SEMA6D: variants seen among roughly 807,000 people sequenced by gnomAD.
SEMA6D encodes semaphorin-6D.
SEMA6D carries 35 observed loss-of-function variants against 106.6 expected under a neutral mutation model. That is an observed-to-expected ratio of 0.33 (90% CI 0.25 to 0.44). The LOEUF is 0.44. SEMA6D is among the 20% of genes least tolerant of loss of function. SEMA6D has a pLI of 1.00. For missense variants in SEMA6D, 1,185 were observed against 1,345.9 expected, an observed-to-expected ratio of 0.88 and a Z score of 1.87; for synonymous variants, 499 against 487.7, an observed-to-expected ratio of 1.02 and a Z score of -0.31.
chr15:47,628,750 T>C (rs991574253), intron 4 of SEMA6D, among the ~76,000 whole-genome samples: 12 of 152,140 alleles, frequency 7.9e-5, no homozygotes, highest in Non-Finnish European at 1.5e-4. Flanking sequence ...CCTTTTAATT[T>C]TGAAGAGGTC....
At chr15:47,363,086 T>C (rs281268) in intron 1 of SEMA6D, among the ~76,000 whole-genome samples, 98,718 of 151,846 alleles carry the variant, frequency 0.65, 32,807 homozygotes, top group Non-Finnish European at 0.72. Context: ...TACTATATTC[T>C]AGAAACTGTT....
At position 47,371,568 on chromosome 15, in the gene SEMA6D, T is replaced by C. The variant is rs190299363; in HGVS notation, c.-238-40825T>C. Among the ~76,000 whole-genome samples the C allele has an allele frequency of 2.6e-5, 4 of 152,302 alleles. No homozygotes were observed. The East Asian group carries it at 7.7e-4, about 29-fold the overall frequency. On this transcript the variant is annotated intron_variant, in intron 1 of 19. Coordinates refer to the SEMA6D transcript ENST00000558014. ...AAGGGTAGAAGGAAGACACTGTTCA[T>C]GTGTAGGAGCCTCAGGTACCCTTCA...
In SEMA6D at chr15:47,764,896, G is replaced by A. The variant is rs1321383016; in HGVS notation, c.1267G>A (p.Ala423Thr). Residue 423 changes from alanine (A) to threonine (T), a missense_variant, in exon 13 of 19, where the codon GCC becomes ACC. Physicochemically the swap from Ala to Thr is moderately conservative, Grantham distance 58 (BLOSUM62 0). Around this residue, in one of 3 missense-constraint regions of SEMA6D, gnomAD observed 291 missense variants for 423.8 expected, o/e 0.69. Coordinates refer to ENST00000536845, the MANE Select transcript of SEMA6D (RefSeq NM_001358351.3). Reference sequence around the variant, plus strand: ...CTCCTCTTGTAGGTACAGACTGACGGCCATCTCAGTGGACCATTCAGCCGG... The same window carrying A: ...CTCCTCTTGTAGGTACAGACTGACGACCATCTCAGTGGACCATTCAGCCGG... ...TKTRVRYRLT[A>T]ISVDHSAGPY... 1 of 1,613,856 alleles carries A rather than the reference G, an allele frequency of 6.2e-7. No individual in the cohort carries two copies. The highest frequency in any genetic ancestry group is 1.7e-4 in the Middle Eastern group (1 of 6,054).
intron 2 of SEMA6D, among the ~76,000 whole-genome samples, chr15:47,416,203 A>C (rs1329008010): frequency 1.3e-5 from 2 of 152,006 alleles, no homozygotes; most frequent in African/African-American, 4.8e-5. Context: ...CAGTCCCAAG[A>C]CCTCCAATCA....
intron 1 of SEMA6D, among the ~76,000 whole-genome samples, chr15:47,755,074 C>T (rs560243243): frequency 6.6e-6 from 1 of 151,658 alleles, no homozygotes; most frequent in South Asian, 2.1e-4. Flanking sequence ...GCCTCAGCCT[C>T]CTGAGTAGCT....
chr15:47,224,731 G>A (rs1044088239), intron 1 of SEMA6D, among the ~76,000 whole-genome samples: 3 of 151,994 alleles, frequency 2.0e-5, no homozygotes, highest in Admixed American at 6.6e-5. Flanking sequence ...TTATTCAGTT[G>A]AACTGTAAGT....
At chr15:47,448,630 T>C (rs1436893731) in intron 2 of SEMA6D, among the ~76,000 whole-genome samples, 1 of 152,140 alleles carries the variant, frequency 6.6e-6, no homozygotes, top group South Asian at 2.1e-4. Context: ...ATGAGGTCCA[T>C]GGCGACTCAG....
chr15:47,765,514 A>C, intron 13 of SEMA6D: 1 of 920,974 alleles, frequency 1.1e-6, no homozygotes, highest in Non-Finnish European at 1.3e-6. Flanking sequence ...AGAAGAGAGA[A>C]ATGGAGCCAA....
chr15:47,766,853 C>CT (rs1224451739), intron 16 of SEMA6D, among the ~76,000 whole-genome samples, 176 bp downstream of exon 16: 1 of 151,308 alleles, frequency 6.6e-6, no homozygotes, highest in Non-Finnish European at 1.5e-5. Flanking sequence ...AAGAGGCTTA[C>CT]TTTTTTTTTC....
At chr15:47,580,039 A>G (rs1197863751) in intron 3 of SEMA6D, among the ~76,000 whole-genome samples, 1 of 152,190 alleles carries the variant, frequency 6.6e-6, no homozygotes, top group African/African-American at 2.4e-5. Flanking sequence ...TCTGAAATTT[A>G]AACAATTTTC....
intron 3 of SEMA6D, among the ~76,000 whole-genome samples, chr15:47,533,197 G>C (rs2045034366): frequency 6.6e-6 from 1 of 152,088 alleles, no homozygotes; most frequent in Non-Finnish European, 1.5e-5. Context: ...ATCTGTAGAT[G>C]GTAAGAAATT....
chr15:47,303,787 A>G lies in SEMA6D; in HGVS notation c.-238-108606A>G, dbSNP rs985352210. On this transcript the variant is annotated intron_variant, in intron 1 of 19. Coordinates refer to the SEMA6D transcript ENST00000558014. ...TATAAGTTTATACTCAGTGTTGATC[A>G]TGGCACTATTTCTTCAGTTCCAGGA... Among the ~76,000 whole-genome samples, 83 of 152,146 alleles carry G rather than the reference A, an allele frequency of 5.5e-4. 1 individual carries two copies. Among genetic ancestry groups the G allele is most frequent in the Admixed American group, 2.6e-4 (4 of 15,272 alleles).
intron 1 of SEMA6D, among the ~76,000 whole-genome samples, chr15:47,339,615 TC>T (rs1327379833): frequency 4.7e-4 from 72 of 152,106 alleles, no homozygotes; most frequent in Non-Finnish European, 2.9e-5. Context: ...AAGCCTGTAA[TC>T]CCAGCACTTT....
In SEMA6D at chr15:47,543,726, C is replaced by T. The variant is rs1197854276; in HGVS notation, c.-86-57139C>T. 2.0e-5 allele frequency among the ~76,000 whole-genome samples: 3 copies of T among 152,166 alleles called. No individual in the cohort carries two copies. In the East Asian group the frequency reaches 5.8e-4, roughly 29 times the overall value. ...TTGAACTAGGTGATCTGCAGTGTTT[C>T]CTTCAAGCTCTGGAATACTATAACT... is the stretch of plus-strand genomic sequence containing the variant. On this transcript the variant is annotated intron_variant, in intron 3 of 19. Coordinates refer to the SEMA6D transcript ENST00000558014.
chr15:47,356,222 A>G (rs766558108), intron 1 of SEMA6D, among the ~76,000 whole-genome samples: 35 of 152,230 alleles, frequency 2.3e-4, no homozygotes, highest in Non-Finnish European at 4.7e-4. Context: ...TAAATCCCTC[A>G]GGGAGGATAA....
chr15:47,479,865 C>CTTTTTT (rs887943372), intron 3 of SEMA6D, among the ~76,000 whole-genome samples: 8 of 126,184 alleles, frequency 6.3e-5, no homozygotes, highest in African/African-American at 2.6e-4. Flanking sequence ...TCTTATCATT[C>CTTTTTT]TTTTTTTTTT....
intron 4 of SEMA6D, among the ~76,000 whole-genome samples, chr15:47,620,598 TTCA>T (rs1346675065): frequency 1.3e-5 from 2 of 152,144 alleles, no homozygotes; most frequent in African/African-American, 4.8e-5. Context: ...TCTTCCTTAC[TTCA>T]TCATCCTGTC....
intron 1 of SEMA6D, among the ~76,000 whole-genome samples, chr15:47,225,208 A>G (rs963310914): frequency 5.3e-5 from 8 of 151,990 alleles, no homozygotes; most frequent in African/African-American, 1.7e-4. Flanking sequence ...TGGTAAGAGT[A>G]TGTTTAGTTT....
At chr15:47,564,696 T>C (rs1408955341) in intron 3 of SEMA6D, among the ~76,000 whole-genome samples, 1 of 152,126 alleles carries the variant, frequency 6.6e-6, no homozygotes, top group Non-Finnish European at 1.5e-5. Context: ...GTGAAACCCT[T>C]AAGCTGAAAA....
Sources: gnomAD v4.1 joint callset for allele counts (sites outside exome capture counted in the v4.1 genomes callset) on GRCh38, gnomAD v4.1.1 for gene constraint, gnomAD v4.1.1 regional missense constraint, MANE v1.5 for transcripts, NCBI Gene and HGNC (gene_info 2026-07-23, HGNC 2026-07-21) for gene names.